The following RREB1 variants were observed in gnomAD, a reference collection of about 807,000 sequenced individuals.
The protein encoded by RREB1 is ras-responsive element-binding protein 1.
RREB1 carries 27 observed loss-of-function variants against 117.8 expected under a neutral mutation model. That is an observed-to-expected ratio of 0.23 (90% CI 0.17 to 0.32). The LOEUF is 0.32. RREB1 is among the 10% of genes least tolerant of loss of function. The pLI is 1.00. For missense variants in RREB1, 2,577 were observed against 2,378.2 expected, an observed-to-expected ratio of 1.08 and a Z score of -1.74; for synonymous variants, 1,298 against 1,026.7, an observed-to-expected ratio of 1.26 and a Z score of -5.05.
At chr6:7,121,247 A>G (rs978725683) in intron 1 of RREB1, among the ~76,000 whole-genome samples, 4 of 152,260 alleles carry the variant, frequency 2.6e-5, no homozygotes, top group African/African-American at 9.6e-5. Context: ...GGTGTGAGCT[A>G]CCACACCTGG....
intron 6 of RREB1, among the ~76,000 whole-genome samples, chr6:7,208,492 C>A (rs974156105): frequency 5.9e-5 from 9 of 152,220 alleles, no homozygotes; most frequent in Non-Finnish European, 8.8e-5. Flanking sequence ...GCAGGAACTT[C>A]CCATGTTGTA....
intron 10 of RREB1, among the ~76,000 whole-genome samples, chr6:7,232,896 A>G (rs1190685018): frequency 6.6e-6 from 1 of 151,510 alleles, no homozygotes; most frequent in African/African-American, 2.4e-5. Context: ...TGGCCCCAAA[A>G]GTATTTTTCT....
chr6:7,110,598 T>TTTGA (rs1246176162), intron 1 of RREB1, among the ~76,000 whole-genome samples: 4 of 152,306 alleles, frequency 2.6e-5, no homozygotes, highest in African/African-American at 9.6e-5. Context: ...GAATTAAACA[T>TTTGA]TTGAATGGCT....
rs780060479 is a variant in RREB1 at position 7,117,520 on chromosome 6, C to T, written c.-285+9460C>T. 5.5e-4 allele frequency among the ~76,000 whole-genome samples: 81 copies of T among 146,130 alleles called. 1 individual carries two copies. Among genetic ancestry groups the T allele is most frequent in the Non-Finnish European group, 1.3e-4 (9 of 67,390 alleles). On this transcript the variant is annotated intron_variant, in intron 1 of 12. Coordinates refer to ENST00000379938, the MANE Select transcript of RREB1 (RefSeq NM_001003699.4). Reference sequence around the variant, plus strand: ...CCGCCTCCCAGGTTCAAGCGATTCTCTTAGCCTCCCGAGTAGCTGGGATTA... The same window carrying T: ...CCGCCTCCCAGGTTCAAGCGATTCTTTTAGCCTCCCGAGTAGCTGGGATTA...
At chr6:7,124,064 T>C (rs1761800802) in intron 1 of RREB1, among the ~76,000 whole-genome samples, 1 of 152,242 alleles carries the variant, frequency 6.6e-6, no homozygotes, top group Non-Finnish European at 1.5e-5. Flanking sequence ...AGAGAGTGTA[T>C]GCATGTTTGG....
intron 1 of RREB1, among the ~76,000 whole-genome samples, chr6:7,152,635 C>T (rs1763175727): frequency 6.6e-6 from 1 of 152,062 alleles, no homozygotes; most frequent in Admixed American, 6.5e-5. Context: ...TGGAATGTGA[C>T]ACACCCAGAG....
chr6:7,207,742 T>G (rs1766355667), intron 6 of RREB1, among the ~76,000 whole-genome samples: 1 of 152,152 alleles, frequency 6.6e-6, no homozygotes, highest in Non-Finnish European at 1.5e-5. Flanking sequence ...AAGCAGAGCT[T>G]GAGGGGGGCT....
Position 7,240,468 on chromosome 6 carries a change from A to G in RREB1, c.3839A>G (p.Asp1280Gly). Residue 1280 changes from aspartate to glycine, a missense_variant, in exon 11 of 13, where the codon GAT becomes GGT. Physicochemically the swap from Asp to Gly is moderately conservative, Grantham distance 94 (BLOSUM62 -1). Transcript: ENST00000379938. ...AAACCCTTCCCTTGTCAAAAATGCGATGCCTTCTTTTCTACCAAATCTAAC... is the reference window on the plus strand; with the variant it reads ...AAACCCTTCCCTTGTCAAAAATGCGGTGCCTTCTTTTCTACCAAATCTAAC... Reference protein sequence around the residue: ...GQKPFPCQKCDAFFSTKSNCE... With the variant: ...GQKPFPCQKCGAFFSTKSNCE... 1 of 1,613,824 alleles carries G rather than the reference A, an allele frequency of 6.2e-7. No individual in the cohort carries two copies. Among genetic ancestry groups the G allele is most frequent in the South Asian group, 1.1e-5 (1 of 91,050 alleles).
chr6:7,194,849 C>T (rs1039066891), intron 6 of RREB1, among the ~76,000 whole-genome samples: 1 of 152,118 alleles, frequency 6.6e-6, no homozygotes, highest in African/African-American at 2.4e-5. Context: ...CTGAAACCAC[C>T]GTAATGACAA....
chr6:7,203,023 C>T (rs577468151), intron 6 of RREB1, among the ~76,000 whole-genome samples: 4 of 152,134 alleles, frequency 2.6e-5, no homozygotes, highest in Non-Finnish European at 5.9e-5. Context: ...AAAACACAAG[C>T]AGGCAAGGGA....
chr6:7,188,752 G>T (rs536339337), intron 5 of RREB1, among the ~76,000 whole-genome samples: 5 of 152,064 alleles, frequency 3.3e-5, no homozygotes, highest in Middle Eastern at 3.2e-3. Context: ...TTTCTCTGAC[G>T]GCAGGCCTGA....
chr6:7,216,559 C>T (rs1326257376), intron 8 of RREB1: 1 of 152,264 alleles, frequency 6.6e-6, no homozygotes, highest in Non-Finnish European at 1.5e-5. Context: ...AGGGAAATGC[C>T]TTCTTTTTCC....
intron 10 of RREB1, among the ~76,000 whole-genome samples, chr6:7,238,471 A>G (rs1209532367): frequency 6.6e-6 from 1 of 152,194 alleles, no homozygotes; most frequent in Admixed American, 6.5e-5. Flanking sequence ...TCCTGGCCTC[A>G]AGTGATCTGC....
intron 6 of RREB1, among the ~76,000 whole-genome samples, chr6:7,200,280 G>GTGTGTGTGTGTC (rs1424204377): frequency 1.1e-5 from 1 of 93,838 alleles, no homozygotes; most frequent in African/African-American, 6.9e-5. Flanking sequence ...GTGTGTGTGT[G>GTGTGTGTGTGTC]TATTTTTTTT....
intron 1 of RREB1, among the ~76,000 whole-genome samples, chr6:7,109,826 C>T (rs1761048314): frequency 6.6e-6 from 1 of 152,034 alleles, no homozygotes; most frequent in Admixed American, 6.6e-5. Flanking sequence ...TGAGGATGCT[C>T]CTGCTGCTGC....
In RREB1 at chr6:7,123,403, C is replaced by T. The variant is rs529576522; in HGVS notation, c.-285+15343C>T. ...TCTCGAACTCCTGAGTTCAGGCAGT[C>T]CGCCCGTCTCAGCCTCCCGAAGTGC... On this transcript the variant is annotated intron_variant, in intron 1 of 12. Coordinates refer to ENST00000379938, the MANE Select transcript of RREB1 (RefSeq NM_001003699.4). Among the ~76,000 whole-genome samples, 3 of 152,274 alleles carry T rather than the reference C, an allele frequency of 2.0e-5. No homozygotes were observed. The East Asian group carries it at 5.8e-4, about 29-fold the overall frequency.
intron 1 of RREB1, among the ~76,000 whole-genome samples, chr6:7,129,260 T>G (rs879423250): frequency 2.0e-5 from 3 of 152,188 alleles, no homozygotes; most frequent in Non-Finnish European, 4.4e-5. Flanking sequence ...GGTTTTGAGT[T>G]TACAGTGTAA....
At chr6:7,235,731 C>G (rs1768275364) in intron 10 of RREB1, among the ~76,000 whole-genome samples, 1 of 152,188 alleles carries the variant, frequency 6.6e-6, no homozygotes. Context: ...CCTCCTACCC[C>G]CTCAGCAGAT....
chr6:7,204,111 G>C (rs959975645), intron 6 of RREB1, among the ~76,000 whole-genome samples: 1 of 152,338 alleles, frequency 6.6e-6, no homozygotes, highest in Admixed American at 6.5e-5. Context: ...TTTTCTAAGG[G>C]CTGGCTTTGG....
Sources: allele counts gnomAD v4.1 joint callset (sites outside exome capture counted in the v4.1 genomes callset), GRCh38; gene constraint gnomAD v4.1.1; transcripts MANE v1.5; gene names NCBI Gene and HGNC (gene_info 2026-07-23, HGNC 2026-07-21).